The following SEC11C variants were observed in gnomAD, a reference collection of about 807,000 sequenced individuals.
SEC11C encodes the protein signal peptidase complex catalytic subunit SEC11C.
In SEC11C, 10 loss-of-function variants were observed where a neutral mutation model predicts 21.9. The observed-to-expected ratio is 0.46, with a 90% confidence interval of 0.28 to 0.77. SEC11C has a LOEUF of 0.77. SEC11C is among the 30% of genes least tolerant of loss of function. The probability of loss-of-function intolerance (pLI) is 0.12; values close to 1 mark genes in which losing one functional copy is unlikely to be tolerated. For missense variants in SEC11C, 145 were observed against 244.5 expected, an observed-to-expected ratio of 0.59 and a Z score of 2.71; for synonymous variants, 83 against 85.6, an observed-to-expected ratio of 0.97 and a Z score of 0.17.
At chr18:59,154,353 T>C (rs1381932509) in intron 3 of SEC11C, among the ~76,000 whole-genome samples, 1 of 152,248 alleles carries the variant, frequency 6.6e-6, no homozygotes, top group Non-Finnish European at 1.5e-5. Flanking sequence ...CTTTTTGATA[T>C]GGTTTCAAAT....
intron 2 of SEC11C, among the ~76,000 whole-genome samples, chr18:59,151,697 G>A (rs532150449): frequency 6.6e-6 from 1 of 152,240 alleles, no homozygotes; most frequent in East Asian, 1.9e-4. Context: ...AGAGCACCAC[G>A]GAGCTTCAGT....
At chr18:59,153,557 G>A (rs1190608204) in intron 3 of SEC11C, among the ~76,000 whole-genome samples, 1 of 152,028 alleles carries the variant, frequency 6.6e-6, no homozygotes, top group South Asian at 2.1e-4. Context: ...TCCATTCACT[G>A]CTTCTTTTTT....
intron 1 of SEC11C, among the ~76,000 whole-genome samples, chr18:59,144,822 T>A (rs992933999): frequency 6.6e-6 from 1 of 152,148 alleles, no homozygotes; most frequent in East Asian, 1.9e-4. Context: ...GAACATTTTT[T>A]ATGTTTATTT....
chr18:59,158,101 G>A (rs1315062717), intron 5 of SEC11C, among the ~76,000 whole-genome samples: 1 of 151,942 alleles, frequency 6.6e-6, no homozygotes, highest in East Asian at 1.9e-4. Context: ...TGTTGCTCAG[G>A]CTGGAGTGCA....
intron 1 of SEC11C, among the ~76,000 whole-genome samples, chr18:59,141,922 G>T (rs2069215381): frequency 6.6e-6 from 1 of 152,196 alleles, no homozygotes; most frequent in Non-Finnish European, 1.5e-5. Context: ...TTAGACATTG[G>T]CTGTTTCATC....
At chr18:59,151,047 G>C (rs1481932705) in intron 2 of SEC11C, among the ~76,000 whole-genome samples, 1 of 152,104 alleles carries the variant, frequency 6.6e-6, no homozygotes, top group Admixed American at 6.5e-5. Context: ...GGGATGTGTG[G>C]TTTTTGGGGG....
intron 1 of SEC11C, among the ~76,000 whole-genome samples, chr18:59,142,290 C>T (rs879491143): frequency 1.3e-5 from 2 of 152,088 alleles, no homozygotes; most frequent in Non-Finnish European, 2.9e-5. Context: ...ATTTTGCTTT[C>T]CCTTAATGAA....
intron 1 of SEC11C, among the ~76,000 whole-genome samples, chr18:59,146,421 G>A (rs1327863573): frequency 6.6e-6 from 1 of 152,160 alleles, no homozygotes; most frequent in Non-Finnish European, 1.5e-5. Context: ...GGAGTAGTTA[G>A]CCTGATGGGA....
chr18:59,156,757 AT>A (rs2069422376), intron 4 of SEC11C: 1 of 152,094 alleles, frequency 6.6e-6, no homozygotes, highest in Admixed American at 6.6e-5. Flanking sequence ...ACTGGCTCCC[AT>A]TTTGTCAGGT....
chr18:59,148,391 G>A (rs1004822222), intron 1 of SEC11C, among the ~76,000 whole-genome samples: 11 of 152,202 alleles, frequency 7.2e-5, no homozygotes, highest in African/African-American at 2.7e-4. Flanking sequence ...TGGCACATGG[G>A]CAGGTGTTGT....
intron 1 of SEC11C, chr18:59,148,037 C>G (rs62095623): frequency 6.6e-6 from 1 of 152,084 alleles, no homozygotes; most frequent in African/African-American, 2.4e-5. Flanking sequence ...CAGAGACCCA[C>G]GTGGGGATAG....
rs1431968520 is a variant in SEC11C at position 59,140,047 on chromosome 18, G to A, written c.87+12G>A. The A allele has an allele frequency of 1.3e-6, 2 of 1,571,208 alleles. No homozygotes were observed. Among genetic ancestry groups the A allele is most frequent in the South Asian group, 2.3e-5 (2 of 87,302 alleles). On this transcript the variant is annotated intron_variant, in intron 1 of 5. Transcript: ENST00000587834. Reference sequence around the variant, plus strand: ...TGAACAAGCGCCAGGTGACGGAGGAGGGTGGTGAGCGCGCCGTGGCCGGGA... The same window carrying A: ...TGAACAAGCGCCAGGTGACGGAGGAAGGTGGTGAGCGCGCCGTGGCCGGGA...
At chr18:59,150,580 C>T (rs1286045120) in intron 2 of SEC11C, among the ~76,000 whole-genome samples, 4 of 152,176 alleles carry the variant, frequency 2.6e-5, no homozygotes, top group African/African-American at 4.8e-5. Context: ...GCTTTGGGGA[C>T]GCCCCTGGGG....
chr18:59,139,979 C>T lies in SEC11C; in HGVS notation c.31C>T (p.Leu11Phe). ...GCGTGCGGGCGCCGTGGGGGCTCATCTCCCCGCGTCCGGCTTGGATATCTT... is the reference window on the plus strand; with the variant it reads ...GCGTGCGGGCGCCGTGGGGGCTCATTTCCCCGCGTCCGGCTTGGATATCTT... MVRAGAVGAH[L>F]PASGLDIFGD... The change falls in exon 1 of 6, where the codon CTC becomes TTC. Residue 11 changes from leucine to phenylalanine, a missense_variant. Leu to Phe is a conservative substitution (Grantham distance 22). Transcript: ENST00000587834. The T allele has an allele frequency of 6.3e-7, 1 of 1,593,910 alleles. No individual in the cohort carries two copies. Among genetic ancestry groups the T allele is most frequent in the Non-Finnish European group, 8.6e-7 (1 of 1,168,728 alleles).
intron 1 of SEC11C, among the ~76,000 whole-genome samples, chr18:59,142,313 G>T (rs1274996210): frequency 6.6e-6 from 1 of 152,204 alleles, no homozygotes; most frequent in African/African-American, 2.4e-5. Flanking sequence ...TTTCAAGCAT[G>T]GGAAATTATA....
chr18:59,140,140 C>A, intron 1 of SEC11C, 105 bp downstream of exon 1: 1 of 1,069,052 alleles, frequency 9.4e-7, no homozygotes, highest in Non-Finnish European at 1.3e-6. Flanking sequence ...TGCGGCCGGG[C>A]GGCCACCCGA....
chr18:59,152,550 C>A lies in SEC11C; in HGVS notation c.212C>A (p.Pro71Gln), dbSNP rs1271330896. The change falls in exon 3 of 6, where the codon CCG becomes CAG. Residue 71 changes from proline to glutamine, a missense_variant. Transcript: ENST00000587834. The stretch of plus-strand genomic sequence containing the variant: ...CTTCTTTCCAGTGGCAGTATGGAGC[C>A]GGCCTTTCACAGAGGAGACCTCCTG... ...IVVVLSGSMEPAFHRGDLLFL... is the reference protein window; with the variant it reads ...IVVVLSGSMEQAFHRGDLLFL... 1 of 1,604,372 alleles carries A rather than the reference C, an allele frequency of 6.2e-7. No homozygotes were observed. Among genetic ancestry groups the A allele is most frequent in the South Asian group, 1.1e-5 (1 of 88,994 alleles).
Position 59,158,710 on chromosome 18 carries a change from G to C in SEC11C, c.*25G>C. ...AAATGAGAAGCAGTTCCTGGGACCAGATTGAAATGAATTCTGTTGAAAAAG... is the reference window on the plus strand; with the variant it reads ...AAATGAGAAGCAGTTCCTGGGACCACATTGAAATGAATTCTGTTGAAAAAG... On this transcript the variant is annotated 3_prime_UTR_variant, in exon 6 of 6. Transcript: ENST00000587834. 6.3e-7 allele frequency: 1 copy of C among 1,585,720 alleles called. No individual in the cohort carries two copies. Among genetic ancestry groups the C allele is most frequent in the Non-Finnish European group, 8.7e-7 (1 of 1,154,392 alleles).
intron 3 of SEC11C, among the ~76,000 whole-genome samples, chr18:59,154,463 A>G (rs915351159): frequency 1.3e-5 from 2 of 152,140 alleles, no homozygotes; most frequent in African/African-American, 2.4e-5. Flanking sequence ...TAATACTACA[A>G]TATTATGTTT....
Sources: gnomAD v4.1 joint callset for allele counts (sites outside exome capture counted in the v4.1 genomes callset) on GRCh38, gnomAD v4.1.1 for gene constraint, MANE v1.5 for transcripts, NCBI Gene and HGNC (gene_info 2026-07-23, HGNC 2026-07-21) for gene names.